GPAT4: variants seen among roughly 807,000 people sequenced by gnomAD.
GPAT4 encodes 1-AGP acyltransferase 6.
GPAT4 carries 17 observed loss-of-function variants against 58.0 expected under a neutral mutation model. That is an observed-to-expected ratio of 0.29 (90% CI 0.20 to 0.44). The LOEUF (loss-of-function observed/expected upper bound fraction) is 0.44. Among genes scored for constraint, GPAT4 ranks in the 20% least tolerant of loss-of-function variants. The pLI is 1.00. For synonymous variants in GPAT4, 204 were observed against 210.1 expected (o/e 0.97, Z 0.25); for missense variants, 377 against 574.5 (o/e 0.66, Z 3.51).
At position 41,621,236 on chromosome 8, in the gene GPAT4, C is replaced by A; in HGVS notation, c.*235C>A. 4 of 566,252 alleles carry A rather than the reference C, an allele frequency of 7.1e-6. No homozygotes were observed. The highest frequency in any genetic ancestry group is 1.2e-5 in the Non-Finnish European group (4 of 320,340). 35.1% of individuals were successfully genotyped at this position (566,252 alleles called of 1,614,324 possible). ...GGGTGTTGCGACCCAGGACGAGATG[C>A]CTTGTTTCTTTTACAATAAGTCGTT... On this transcript the variant is annotated 3_prime_UTR_variant, in exon 13 of 13. Coordinates refer to ENST00000396987, the MANE Select transcript of GPAT4 (RefSeq NM_178819.4).
Position 41,622,388 on chromosome 8 carries a change from T to A in GPAT4, c.*1387T>A, listed in dbSNP as rs1253384920. 2.6e-5 allele frequency: 4 copies of A among 152,392 alleles called. No homozygotes were observed. Among genetic ancestry groups the A allele is most frequent in the Non-Finnish European group, 5.9e-5 (4 of 68,120 alleles). 9.4% of individuals were successfully genotyped at this position (152,392 alleles called of 1,614,324 possible). A position where few individuals can be genotyped will look rare whatever the true frequency, so the allele number is the denominator to read the frequency against. Reference sequence around the variant, plus strand: ...GCACCACAGGAAAAGAGTCGGCCACTGGTGCCTGCTGTACAGTCACAGTGG... The same window carrying A: ...GCACCACAGGAAAAGAGTCGGCCACAGGTGCCTGCTGTACAGTCACAGTGG... On this transcript the variant is annotated 3_prime_UTR_variant, in exon 13 of 13. Coordinates refer to ENST00000396987, the MANE Select transcript of GPAT4 (RefSeq NM_178819.4).
At chr8:41,578,723 CCTT>C (rs994790545) in intron 1 of GPAT4, 5 of 152,344 alleles carry the variant, frequency 3.3e-5, no homozygotes, top group African/African-American at 9.6e-5. Flanking sequence ...TTTACCCTCT[CCTT>C]CTCCAAATGC....
At chr8:41,613,609 A>G (rs1208755529) in intron 8 of GPAT4, among the ~76,000 whole-genome samples, 1 of 152,196 alleles carries the variant, frequency 6.6e-6, no homozygotes, top group African/African-American at 2.4e-5. Context: ...GCTGTAAGTA[A>G]TGCAAAGAGA....
intron 10 of GPAT4, among the ~76,000 whole-genome samples, chr8:41,617,915 A>G (rs1342502500): frequency 1.3e-5 from 2 of 152,058 alleles, no homozygotes; most frequent in East Asian, 3.9e-4. Context: ...TCCTTGCGCA[A>G]CTTCCTCTAG....
chr8:41,603,896 AGAAT>A (rs56179166), intron 2 of GPAT4, among the ~76,000 whole-genome samples: 321 of 150,830 alleles, frequency 2.1e-3, no homozygotes, highest in African/African-American at 6.4e-3. Flanking sequence ...TCAGCTGCAC[AGAAT>A]GAATGAATGA....
At chr8:41,596,120 A>G (rs1802924637) in intron 1 of GPAT4, among the ~76,000 whole-genome samples, 1 of 152,126 alleles carries the variant, frequency 6.6e-6, no homozygotes, top group South Asian at 2.1e-4. Context: ...ACAAAGTTCT[A>G]AGTTTTCCTG....
rs775432648 is a variant in GPAT4, at chr8:41,610,729, C to T, written c.537-7C>T. 6.2e-7 allele frequency: 1 copy of T among 1,604,254 alleles called. No individual in the cohort carries two copies. Among genetic ancestry groups the T allele is most frequent in the Admixed American group, 1.7e-5 (1 of 58,420 alleles). ...TGGCTGTGCTCTAACTTTTCTTCTT[C>T]TTACAGGATAGCACTGGCTTTCACA... On this transcript the variant is annotated splice_region_variant and splice_polypyrimidine_tract_variant and intron_variant, in intron 4 of 12. Coordinates refer to ENST00000396987, the MANE Select transcript of GPAT4 (RefSeq NM_178819.4).
intron 1 of GPAT4, among the ~76,000 whole-genome samples, chr8:41,580,199 A>G (rs1802474828): frequency 6.6e-6 from 1 of 152,246 alleles, no homozygotes; most frequent in South Asian, 2.1e-4. Flanking sequence ...AGTTCTGATA[A>G]TAGTTTTTAG....
In GPAT4 at chr8:41,614,970, C is replaced by T; in HGVS notation, c.975C>T (p.Cys325=). The change falls in exon 10 of 13, where the codon TGC becomes TGT. Residue 325 remains cysteine, a synonymous_variant. Transcript: ENST00000396987. ...LPILIFPEGT[C]INNTSVMMFK... ...TTGTCTCCTGCATTTTAGGAACCTG[C>T]ATCAATAATACATCGGTGATGATGT... 5.0e-6 allele frequency: 8 copies of T among 1,613,870 alleles called. No homozygotes were observed. Among genetic ancestry groups the T allele is most frequent in the Non-Finnish European group, 6.8e-6 (8 of 1,179,770 alleles).
intron 2 of GPAT4, among the ~76,000 whole-genome samples, chr8:41,601,028 T>C (rs1803078829): frequency 6.6e-6 from 1 of 152,166 alleles, no homozygotes; most frequent in Non-Finnish European, 1.5e-5. Flanking sequence ...TGGACAAGGA[T>C]GGGCTGTTTC....
intron 1 of GPAT4, among the ~76,000 whole-genome samples, chr8:41,594,605 G>A (rs1051046237): frequency 2.0e-5 from 3 of 146,576 alleles, no homozygotes; most frequent in Non-Finnish European, 4.5e-5. Context: ...GAGTGCAGTG[G>A]TCCGATCTCG....
At chr8:41,612,398 C>A in intron 7 of GPAT4, 125 bp downstream of exon 7, 1 of 890,110 alleles carries the variant, frequency 1.1e-6, no homozygotes, top group Non-Finnish European at 1.7e-6. Context: ...ACCTTACTGT[C>A]ACTGTGGGGG....
chr8:41,601,814 A>G (rs1803107214), intron 2 of GPAT4, among the ~76,000 whole-genome samples: 1 of 152,234 alleles, frequency 6.6e-6, no homozygotes, highest in African/African-American at 2.4e-5. Context: ...GTACATCCCT[A>G]TGACTTTTAA....
chr8:41,611,920 G>A lies in GPAT4; in HGVS notation c.629G>A (p.Ser210Asn). 1 of 1,614,208 alleles carries A rather than the reference G, an allele frequency of 6.2e-7. No homozygotes were observed. The highest frequency in any genetic ancestry group is 8.5e-7 in the Non-Finnish European group (1 of 1,180,030). The change falls in exon 6 of 13, where the codon AGT (serine) becomes AAT (asparagine). Residue 210 changes from serine to asparagine, a missense_variant. Ser to Asn is a conservative substitution (Grantham distance 46). Coordinates refer to ENST00000396987, the MANE Select transcript of GPAT4 (RefSeq NM_178819.4). ...LPNGRFKEFM[S>N]KHVHLMCYRI... ...TATTGCAGGTTTAAGGAGTTCATGA[G>A]TAAACATGTTCACTTAATGTGTTAC...
chr8:41,601,597 A>G (rs1424450184), intron 2 of GPAT4, among the ~76,000 whole-genome samples: 1 of 152,196 alleles, frequency 6.6e-6, no homozygotes, highest in Non-Finnish European at 1.5e-5. Context: ...TCATGGACCT[A>G]TGGAAGTTGT....
At chr8:41,610,093 T>TGGAG in intron 4 of GPAT4, 138 bp downstream of exon 4, 1 of 1,470,632 alleles carries the variant, frequency 6.8e-7, no homozygotes, top group Non-Finnish European at 9.0e-7. Context: ...CGTGACTCTT[T>TGGAG]GGAGGGATAC....
At position 41,610,727 on chromosome 8, in the gene GPAT4, T is replaced by C; in HGVS notation, c.537-9T>C. On this transcript the variant is annotated splice_polypyrimidine_tract_variant and intron_variant, in intron 4 of 12. Transcript: ENST00000396987. ...GCTGGCTGTGCTCTAACTTTTCTTC[T>C]TCTTACAGGATAGCACTGGCTTTCA... 1 of 1,603,354 alleles carries C rather than the reference T, an allele frequency of 6.2e-7. No individual in the cohort carries two copies. The highest frequency in any genetic ancestry group is 8.5e-7 in the Non-Finnish European group (1 of 1,174,644).
At chr8:41,609,359 A>G (rs1803372955) in intron 2 of GPAT4, 57 bp from the exon 3 acceptor site, 6 of 1,533,578 alleles carry the variant, frequency 3.9e-6, no homozygotes, top group Non-Finnish European at 5.4e-6. Flanking sequence ...GGAGGTGTTC[A>G]CTGATTGAAA....
chr8:41,606,628 A>G (rs138161923), intron 2 of GPAT4, among the ~76,000 whole-genome samples: 98 of 152,342 alleles, frequency 6.4e-4, no homozygotes, highest in African/African-American at 2.2e-3. Context: ...ATCTCAAAGA[A>G]ATAGCTAGAT....
Sources: gnomAD v4.1 joint callset for allele counts (sites outside exome capture counted in the v4.1 genomes callset) on GRCh38, gnomAD v4.1.1 for gene constraint, MANE v1.5 for transcripts, NCBI Gene and HGNC (gene_info 2026-07-23, HGNC 2026-07-21) for gene names.